Variants in CAP2 observed in about 807,000 individuals in gnomAD.
CAP2 encodes adenylyl cyclase-associated protein 2.
Under a neutral mutation model 57.7 loss-of-function variants are expected in CAP2, and 24 were observed. The observed-to-expected ratio is 0.42, with a 90% confidence interval of 0.30 to 0.58. CAP2 has a LOEUF of 0.58. CAP2 is among the 20% of genes least tolerant of loss of function. CAP2 has a pLI of 0.22. For missense variants in CAP2, 501 were observed against 590.3 expected (o/e 0.85, Z 1.57); for synonymous variants, 194 against 207.2 (o/e 0.94, Z 0.55).
At position 17,461,013 on chromosome 6, in the gene CAP2, G is replaced by A. The variant is rs115737186; in HGVS notation, c.223-1983G>A. 3.6e-3 allele frequency among the ~76,000 whole-genome samples: 555 copies of A among 152,246 alleles called. 2 individuals are homozygous for A. Among genetic ancestry groups the A allele is most frequent in the Non-Finnish European group, 5.5e-3 (376 of 68,012 alleles). On this transcript the variant is annotated intron_variant, in intron 3 of 12. Transcript: ENST00000229922. ...AAAATTCAAAAGTTAGCCGAGTGTG[G>A]TGGTGTGCGCCTGTGGCCCCAACTA...
chr6:17,553,400 G>A (rs554773776), intron 12 of CAP2, among the ~76,000 whole-genome samples: 4 of 152,240 alleles, frequency 2.6e-5, no homozygotes, highest in East Asian at 3.9e-4. Context: ...TTGGGAGGCC[G>A]AGGCGGGCAG....
chr6:17,489,811 C>T (rs550838463), intron 4 of CAP2, among the ~76,000 whole-genome samples: 3 of 152,012 alleles, frequency 2.0e-5, no homozygotes, highest in Middle Eastern at 3.4e-3. Context: ...CAGATCTGCC[C>T]TCCTGGAGTT....
chr6:17,545,418 C>A (rs1303319981), intron 11 of CAP2, among the ~76,000 whole-genome samples: 1 of 151,948 alleles, frequency 6.6e-6, no homozygotes, highest in Non-Finnish European at 1.5e-5. Flanking sequence ...TCTAAATATT[C>A]ATCATGTTTT....
intron 7 of CAP2, among the ~76,000 whole-genome samples, chr6:17,514,856 G>A (rs1561812026): frequency 6.6e-6 from 1 of 152,172 alleles, no homozygotes; most frequent in African/African-American, 2.4e-5. Flanking sequence ...AATGTTAAGT[G>A]ATAAAGTCAA....
At chr6:17,529,469 A>G (rs6915006) in intron 7 of CAP2, among the ~76,000 whole-genome samples, 38,685 of 151,416 alleles carry the variant, frequency 0.26, 6,034 homozygotes, top group African/African-American at 0.44. Flanking sequence ...GTAAAACCCC[A>G]TCTCTACTAA....
intron 3 of CAP2, among the ~76,000 whole-genome samples, chr6:17,435,681 T>TAAAAAAAAAAAAA (rs71002211): frequency 1.2e-4 from 8 of 67,416 alleles, no homozygotes; most frequent in South Asian, 7.2e-4. Flanking sequence ...TAGAGTATAA[T>TAAAAAAAAAAAAA]AAAAAAAAAA....
At chr6:17,482,388 A>G (rs1178849060) in intron 4 of CAP2, among the ~76,000 whole-genome samples, 2 of 151,972 alleles carry the variant, frequency 1.3e-5, no homozygotes, top group Non-Finnish European at 2.9e-5. Flanking sequence ...GTGCGCCTGT[A>G]GTCCCAGCTA....
chr6:17,422,639 A>G (rs535253375), intron 2 of CAP2, among the ~76,000 whole-genome samples: 6 of 152,160 alleles, frequency 3.9e-5, no homozygotes, highest in East Asian at 3.9e-4. Context: ...GTGAACCACC[A>G]TACCTGGCCA....
chr6:17,447,740 C>T (rs1302830672), intron 3 of CAP2, among the ~76,000 whole-genome samples: 1 of 152,190 alleles, frequency 6.6e-6, no homozygotes, highest in Non-Finnish European at 1.5e-5. Context: ...TCAGGTGATC[C>T]ACCTGCCTTA....
chr6:17,400,983 C>A (rs879732725), intron 1 of CAP2, among the ~76,000 whole-genome samples: 5 of 152,014 alleles, frequency 3.3e-5, no homozygotes, highest in Non-Finnish European at 5.9e-5. Context: ...TTTTTCAGAA[C>A]CAGGTAAAAT....
At chr6:17,491,434 T>C (rs1761540003) in intron 4 of CAP2, among the ~76,000 whole-genome samples, 1 of 152,226 alleles carries the variant, frequency 6.6e-6, no homozygotes, top group African/African-American at 2.4e-5. Flanking sequence ...TTTTCTTCAG[T>C]ATTTGAGGTC....
chr6:17,405,857 C>T (rs13194148), intron 1 of CAP2, among the ~76,000 whole-genome samples: 39,387 of 151,988 alleles, frequency 0.26, 5,265 homozygotes, highest in South Asian at 0.35. Flanking sequence ...CCTCCTGTCT[C>T]AGCTTCCCAA....
chr6:17,501,447 T>C (rs193118882), intron 4 of CAP2, among the ~76,000 whole-genome samples: 160 of 152,322 alleles, frequency 1.1e-3, no homozygotes, highest in Middle Eastern at 6.8e-3. Flanking sequence ...AGAGCATATA[T>C]TGATTTTTAT....
At chr6:17,421,219 G>A (rs1285822829) in intron 1 of CAP2, among the ~76,000 whole-genome samples, 3 of 152,040 alleles carry the variant, frequency 2.0e-5, no homozygotes, top group Non-Finnish European at 4.4e-5. Flanking sequence ...ATGATATAAC[G>A]GACTTTGGGG....
intron 3 of CAP2, among the ~76,000 whole-genome samples, chr6:17,445,885 G>A (rs1760244065): frequency 1.3e-5 from 2 of 152,196 alleles, no homozygotes. Context: ...CACAGAGGCT[G>A]CAGCTCGAAA....
intron 4 of CAP2, among the ~76,000 whole-genome samples, chr6:17,491,950 G>A (rs371577176): frequency 2.6e-5 from 4 of 152,166 alleles, no homozygotes; most frequent in African/African-American, 9.7e-5. Flanking sequence ...GGGCTTCCTC[G>A]CATGACCTGC....
rs1759876688 is a variant in CAP2 at position 17,436,086 on chromosome 6, T to TTCCTTCCTTCCTTCCTTCC, written c.222+9397_222+9398insCCTTCCTTCCTTCCTTCCT. Among the ~76,000 whole-genome samples the TTCCTTCCTTCCTTCCTTCC allele has an allele frequency of 1.1e-3, 149 of 133,996 alleles. 1 individual carries two copies. The highest frequency in any genetic ancestry group is 4.2e-3 in the African/African-American group (144 of 34,350). 87.9% of individuals were successfully genotyped at this position (133,996 alleles called of 152,430 possible). On this transcript the variant is annotated intron_variant, in intron 3 of 12. Coordinates refer to ENST00000229922, the MANE Select transcript of CAP2 (RefSeq NM_006366.3). ...TAAGGAATCTTTCTTTCTTTCTTTC[T>TTCCTTCCTTCCTTCCTTCC]TTCCTTCCTTCCTTCCTTCCTTCCT... is the stretch of plus-strand genomic sequence containing the variant.
Position 17,489,709 on chromosome 6 carries a change from G to C in CAP2, c.301-17460G>C, listed in dbSNP as rs529586275. Among the ~76,000 whole-genome samples the C allele has an allele frequency of 5.9e-5, 9 of 152,004 alleles. No homozygotes were observed. The South Asian group carries it at 1.9e-3, about 32-fold the overall frequency. ...GTTGCCTTGCCCCTTACTACCTAGG[G>C]TTTTGCATCCATTCTCTCATTTAAC... On this transcript the variant is annotated intron_variant, in intron 4 of 12. Coordinates refer to ENST00000229922, the MANE Select transcript of CAP2 (RefSeq NM_006366.3).
chr6:17,406,412 T>TTTC lies in CAP2; in HGVS notation c.-2+12667_-2+12668insTCT, dbSNP rs1197104013. On this transcript the variant is annotated intron_variant, in intron 1 of 12. Coordinates refer to ENST00000229922, the MANE Select transcript of CAP2 (RefSeq NM_006366.3). ...AGCCCAGATTTCTTTTTTTTTTTTTTTGAGGCAGTCTCACTCTGTCGCCCA... is the reference window on the plus strand; with the variant it reads ...AGCCCAGATTTCTTTTTTTTTTTTTTTTCTGAGGCAGTCTCACTCTGTCGCCCA... Among the ~76,000 whole-genome samples, 4 of 135,198 alleles carry TTTC rather than the reference T, an allele frequency of 3.0e-5. 1 individual carries two copies. Among genetic ancestry groups the TTTC allele is most frequent in the African/African-American group, 1.5e-4 (4 of 26,950 alleles). The allele number at this position is 135,198 out of a possible 152,430, so 88.7% of individuals were successfully genotyped here.
Sources: allele counts gnomAD v4.1 joint callset (sites outside exome capture counted in the v4.1 genomes callset), GRCh38; gene constraint gnomAD v4.1.1; transcripts MANE v1.5; gene names NCBI Gene and HGNC (gene_info 2026-07-23, HGNC 2026-07-21).